The following PKHD1L1 variants were observed in gnomAD, a reference collection of about 807,000 sequenced individuals.
PKHD1L1 encodes the protein PKHD1 like 1.
A neutral mutation model predicts 462.9 loss-of-function variants in PKHD1L1; 434 were observed. The ratio of observed to expected loss-of-function variants is 0.94; its 90% confidence interval spans 0.87 to 1.02. The LOEUF (loss-of-function observed/expected upper bound fraction) is 1.02, where lower values mean the gene tolerates loss of function less well. PKHD1L1 is among the 50% of genes least tolerant of loss of function. The pLI is 0.00. For synonymous variants in PKHD1L1, 1,781 were observed against 1,750.0 expected, an observed-to-expected ratio of 1.02 and a Z score of -0.44; for missense variants, 5,202 against 5,096.1, an observed-to-expected ratio of 1.02 and a Z score of -0.63.
intron 25 of PKHD1L1, among the ~76,000 whole-genome samples, 196 bp from the exon 26 acceptor site, chr8:109,429,144 T>G (rs1298376475): frequency 6.6e-6 from 1 of 152,132 alleles, no homozygotes; most frequent in East Asian, 1.9e-4. Context: ...TGGTCTTAAT[T>G]TTTTTTCTTG....
At position 109,400,225 on chromosome 8, in the gene PKHD1L1, T is replaced by C. The variant is rs1253634250; in HGVS notation, c.1162T>C (p.Phe388Leu). ...TATTTGGCTCATGGAACAAGACACA[T>C]TTGTTGCACGCTTTAGTGGATTTTT... ...SYIWLMEQDT[F>L]VARFSGFLVA... Residue 388 changes from phenylalanine to leucine, a missense_variant, in exon 13 of 78, where the codon TTT (phenylalanine) becomes CTT (leucine). Physicochemically the swap from Phe to Leu is conservative, Grantham distance 22 (BLOSUM62 0). Coordinates refer to ENST00000378402, the MANE Select transcript of PKHD1L1 (RefSeq NM_177531.6). 3 of 1,613,630 alleles carry C rather than the reference T, an allele frequency of 1.9e-6. No individual in the cohort carries two copies. The highest frequency in any genetic ancestry group is 2.2e-5 in the East Asian group (1 of 44,872).
chr8:109,445,557 C>A lies in PKHD1L1; in HGVS notation c.5688C>A (p.Ile1896=). The part of the protein sequence containing the change: ...AGTTGMVDVK[I]FVNTIAYPPL... The stretch of plus-strand genomic sequence containing the variant: ...CCACTGGAATGGTCGATGTTAAAAT[C>A]TTTGTTAATACAATTGCTTATCCAC... The change falls in exon 38 of 78, where the codon ATC becomes ATA. Residue 1896 remains isoleucine (I), a synonymous_variant. Transcript: ENST00000378402. 1 of 1,612,456 alleles carries A rather than the reference C, an allele frequency of 6.2e-7. No homozygotes were observed. Among genetic ancestry groups the A allele is most frequent in the Non-Finnish European group, 8.5e-7 (1 of 1,179,112 alleles).
chr8:109,423,001 C>T (rs1344592787), intron 23 of PKHD1L1, among the ~76,000 whole-genome samples: 1 of 152,014 alleles, frequency 6.6e-6, no homozygotes, highest in Non-Finnish European at 1.5e-5. Context: ...ACTTATTTGC[C>T]ACCTACATAT....
At chr8:109,401,613 TTACTGTGTGG>T in intron 14 of PKHD1L1, 25 bp downstream of exon 14, 1 of 1,239,708 alleles carries the variant, frequency 8.1e-7, no homozygotes, top group Non-Finnish European at 1.2e-6. Flanking sequence ...TGTCATTAAA[TTACTGTGTGG>T]TATTTATAAG....
At position 109,508,202 on chromosome 8, in the gene PKHD1L1, C is replaced by T. The variant is rs905692064; in HGVS notation, c.11333C>T (p.Thr3778Ile). The T allele has an allele frequency of 1.2e-6, 2 of 1,613,314 alleles. No individual in the cohort carries two copies. Among genetic ancestry groups the T allele is most frequent in the Admixed American group, 3.3e-5 (2 of 59,924 alleles). ...MMVIESLDPD[T>I]ETRRLSPVAI... is the part of the protein sequence containing the mutation. ...GTTATTGAAAGTCTGGATCCTGACA[C>T]AGAAACTCGAAGACTTTCCCCAGTG... Residue 3778 changes from threonine to isoleucine, a missense_variant, in exon 70 of 78, where the codon ACA becomes ATA. Transcript: ENST00000378402.
chr8:109,396,145 T>A lies in PKHD1L1; in HGVS notation c.922+8T>A. ...TCAGAGTTCTAGTTGGAGGTATTTCTCATGGTTTTTGATATATTACTTTAT... is the reference window on the plus strand; with the variant it reads ...TCAGAGTTCTAGTTGGAGGTATTTCACATGGTTTTTGATATATTACTTTAT... On this transcript the variant is annotated splice_region_variant and intron_variant, in intron 11 of 77. Transcript: ENST00000378402. 1.3e-6 allele frequency: 2 copies of A among 1,585,164 alleles called. No homozygotes were observed. Among genetic ancestry groups the A allele is most frequent in the East Asian group, 4.5e-5 (2 of 44,088 alleles).
At chr8:109,528,312 G>T (rs781044753) in intron 77 of PKHD1L1, among the ~76,000 whole-genome samples, 1 of 152,066 alleles carries the variant, frequency 6.6e-6, no homozygotes, top group Non-Finnish European at 1.5e-5. Context: ...ATACTTCTCC[G>T]CCCGCAGTTA....
chr8:109,513,476 C>T (rs1489332626), intron 71 of PKHD1L1, among the ~76,000 whole-genome samples: 1 of 152,050 alleles, frequency 6.6e-6, no homozygotes, highest in Non-Finnish European at 1.5e-5. Context: ...CAAGTCTTTG[C>T]TAGAAACTGA....
chr8:109,516,348 G>C (rs1006054171), intron 72 of PKHD1L1, among the ~76,000 whole-genome samples: 1 of 152,028 alleles, frequency 6.6e-6, no homozygotes, highest in African/African-American at 2.4e-5. Context: ...AGGGTTCTTT[G>C]CTCGGCTTGC....
chr8:109,496,755 C>T (rs954274239), intron 63 of PKHD1L1, among the ~76,000 whole-genome samples, 164 bp from the exon 64 acceptor site: 1 of 152,122 alleles, frequency 6.6e-6, no homozygotes, highest in African/African-American at 2.4e-5. Context: ...TAGAGTGAAC[C>T]ATAAATGGCA....
At chr8:109,415,003 TATTATTA>T (rs1814070585) in intron 21 of PKHD1L1, among the ~76,000 whole-genome samples, 1 of 131,808 alleles carries the variant, frequency 7.6e-6, no homozygotes, top group African/African-American at 2.7e-5. Flanking sequence ...TTATTATTAT[TATTATTA>T]TTTTTGAGAC....
Position 109,440,799 on chromosome 8 carries a change from C to T in PKHD1L1, c.4046C>T (p.Thr1349Ile). 2 of 1,613,022 alleles carry T rather than the reference C, an allele frequency of 1.2e-6. No homozygotes were observed. The highest frequency in any genetic ancestry group is 1.1e-5 in the South Asian group (1 of 91,018). ...RGSLFGGTEITIRGFGFSTIP... is the reference protein window; with the variant it reads ...RGSLFGGTEIIIRGFGFSTIP... ...TCCTTGTTTGGTGGAACTGAAATCA[C>T]CATAAGGGGTTTTGGATTCAGCACA... The change falls in exon 33 of 78, where the codon ACC becomes ATC. Residue 1349 changes from threonine (T) to isoleucine (I), a missense_variant. Physicochemically the swap from Thr to Ile is moderately conservative, Grantham distance 89. This residue lies in a region of PKHD1L1 where 4,497 missense variants were observed against 4,336.8 expected (regional missense o/e 1.04). Coordinates refer to ENST00000378402, the MANE Select transcript of PKHD1L1 (RefSeq NM_177531.6).
intron 3 of PKHD1L1, 113 bp downstream of exon 3, chr8:109,381,627 C>T (rs1812121214): frequency 1.2e-6 from 1 of 824,126 alleles, no homozygotes; most frequent in African/African-American, 1.8e-5. Context: ...TAATATTTTT[C>T]TGATTATAGG....
At chr8:109,499,029 A>C (rs925911577) in intron 67 of PKHD1L1, 13 of 421,654 alleles carry the variant, frequency 3.1e-5, no homozygotes, top group African/African-American at 2.6e-4. Flanking sequence ...TTGTGATTTA[A>C]TATTAATTTG....
At chr8:109,494,591 T>A (rs141032022) in intron 63 of PKHD1L1, among the ~76,000 whole-genome samples, 1 of 151,976 alleles carries the variant, frequency 6.6e-6, no homozygotes, top group African/African-American at 2.4e-5. Context: ...TATGAAGAAA[T>A]CTCTAGAATA....
At chr8:109,367,625 G>A (rs534470126) in intron 2 of PKHD1L1, among the ~76,000 whole-genome samples, 1 of 152,264 alleles carries the variant, frequency 6.6e-6, no homozygotes, top group Non-Finnish European at 1.5e-5. Context: ...GTCCGTGCCT[G>A]TAATCCCAGT....
Position 109,439,019 on chromosome 8 carries a change from C to T in PKHD1L1, c.3883C>T (p.Leu1295Phe), listed in dbSNP as rs915964728. 2 of 1,613,592 alleles carry T rather than the reference C, an allele frequency of 1.2e-6. No individual in the cohort carries two copies. Among genetic ancestry groups the T allele is most frequent in the Non-Finnish European group, 1.7e-6 (2 of 1,179,658 alleles). Residue 1295 changes from leucine to phenylalanine, a missense_variant, in exon 32 of 78, where the codon CTT (leucine) becomes TTT (phenylalanine). This residue lies in a region of PKHD1L1 where 4,497 missense variants were observed against 4,336.8 expected (regional missense o/e 1.04). Transcript: ENST00000378402. The stretch of plus-strand genomic sequence containing the variant: ...CTGGAACTTCACAGATATTAGATGC[C>T]TTTTGCCCAAGTTGTCTCCTGGAAA... ...LHWNFTDIRC[L>F]LPKLSPGKHD...
rs766692086 is a variant in PKHD1L1, at chr8:109,400,309, A to G, written c.1246A>G (p.Ile416Val). 6.8e-6 allele frequency: 11 copies of G among 1,613,230 alleles called. No homozygotes were observed. The East Asian group carries it at 1.8e-4, about 26-fold the overall frequency. ...CATCAAGGGTGATGACCGTTATGCT[A>G]TTTATTTTAGCCAGACTGGACTTCC... ...FYIKGDDRYAIYFSQTGLPED... is the reference protein window; with the variant it reads ...FYIKGDDRYAVYFSQTGLPED... The change falls in exon 13 of 78, where the codon ATT becomes GTT. Residue 416 changes from isoleucine (I) to valine (V), a missense_variant. Ile to Val is a conservative substitution (Grantham distance 29). This residue lies in a region of PKHD1L1 where 4,497 missense variants were observed against 4,336.8 expected (regional missense o/e 1.04). Coordinates refer to ENST00000378402, the MANE Select transcript of PKHD1L1 (RefSeq NM_177531.6).
intron 62 of PKHD1L1, among the ~76,000 whole-genome samples, chr8:109,492,678 A>G (rs545989465): frequency 4.6e-5 from 7 of 152,006 alleles, no homozygotes; most frequent in African/African-American, 1.4e-4. Context: ...CGTATAGAAT[A>G]TCAATTCCAA....
Sources: gnomAD v4.1 joint callset for allele counts (sites outside exome capture counted in the v4.1 genomes callset) on GRCh38, gnomAD v4.1.1 for gene constraint, gnomAD v4.1.1 regional missense constraint, MANE v1.5 for transcripts, NCBI Gene and HGNC (gene_info 2026-07-23, HGNC 2026-07-21) for gene names.